Variants in ANGPT1 observed in about 807,000 individuals in gnomAD.
ANGPT1 encodes the protein angiopoietin-1.
A neutral mutation model predicts 62.2 loss-of-function variants in ANGPT1; 17 were observed. The ratio of observed to expected loss-of-function variants is 0.27; its 90% CI spans 0.19 to 0.41. The LOEUF is 0.41. ANGPT1 is among the 10% of genes least tolerant of loss of function. The pLI, the probability that ANGPT1 is intolerant of heterozygous loss-of-function variation, is 1.00. For synonymous variants in ANGPT1, 199 were observed against 198.9 expected (o/e 1.00, Z 0.00); for missense variants, 478 against 594.9 (o/e 0.80, Z 2.04).
At chr8:107,426,853 T>C (rs1184871722) in intron 1 of ANGPT1, among the ~76,000 whole-genome samples, 1 of 152,212 alleles carries the variant, frequency 6.6e-6, no homozygotes, top group Non-Finnish European at 1.5e-5. Flanking sequence ...TAACAAACAC[T>C]ACTCTTTTTC....
At position 107,399,790 on chromosome 8, in the gene ANGPT1, C is replaced by A. The variant is rs532623755; in HGVS notation, c.298-52693G>T. 2.6e-5 allele frequency among the ~76,000 whole-genome samples: 4 copies of A among 152,080 alleles called. No individual in the cohort carries two copies. The South Asian group carries it at 6.2e-4, about 24-fold the overall frequency. Reference sequence around the variant, plus strand: ...AGTCAACACAGTGGTCAGTCACACCCGCAAACACCACAATTGCCTTGAGAT... The same window carrying A: ...AGTCAACACAGTGGTCAGTCACACCAGCAAACACCACAATTGCCTTGAGAT... On this transcript the variant is annotated intron_variant, in intron 1 of 8. Transcript: ENST00000517746.
chr8:107,472,616 T>C (rs1812393466), intron 1 of ANGPT1, among the ~76,000 whole-genome samples: 1 of 152,056 alleles, frequency 6.6e-6, no homozygotes, highest in Non-Finnish European at 1.5e-5. Flanking sequence ...AGGCATGCTG[T>C]GATTCTCATC....
rs562721469 is a variant in ANGPT1, at chr8:107,472,003, C to A, written c.297+25259G>T. Among the ~76,000 whole-genome samples the A allele has an allele frequency of 2.3e-4, 35 of 152,114 alleles. No individual in the cohort carries two copies. In the South Asian group the frequency reaches 6.8e-3, roughly 30 times the overall value. ...ACCACACTACATTTACTTATTATGTCTCTTTAGGCTCCTCTTGCTTTTTTG... is the reference window on the plus strand; with the variant it reads ...ACCACACTACATTTACTTATTATGTATCTTTAGGCTCCTCTTGCTTTTTTG... On this transcript the variant is annotated intron_variant, in intron 1 of 8. Coordinates refer to ENST00000517746, the MANE Select transcript of ANGPT1 (RefSeq NM_001146.5).
chr8:107,299,391 G>GTATGTATA (rs1814498942), intron 5 of ANGPT1, among the ~76,000 whole-genome samples: 1 of 112,596 alleles, frequency 8.9e-6, no homozygotes, highest in Non-Finnish European at 1.8e-5. Flanking sequence ...ATGAAGGAGT[G>GTATGTATA]TATATATATA....
At chr8:107,444,126 G>A (rs1048241300) in intron 1 of ANGPT1, among the ~76,000 whole-genome samples, 3 of 152,156 alleles carry the variant, frequency 2.0e-5, no homozygotes, top group Admixed American at 2.0e-4. Context: ...ATATGTGGAT[G>A]TATCATTCCT....
intron 1 of ANGPT1, among the ~76,000 whole-genome samples, chr8:107,386,846 C>G (rs1346043919): frequency 6.6e-6 from 1 of 152,060 alleles, no homozygotes; most frequent in East Asian, 1.9e-4. Context: ...CTTTCTCTGA[C>G]AGACTACAGG....
In ANGPT1 at chr8:107,347,317, A is replaced by G. The variant is rs554775160; in HGVS notation, c.298-220T>C. Among the ~76,000 whole-genome samples, 202 of 152,312 alleles carry G rather than the reference A, an allele frequency of 1.3e-3. 1 individual carries two copies. Among genetic ancestry groups the G allele is most frequent in the Non-Finnish European group, 2.5e-3 (170 of 68,032 alleles). On this transcript the variant is annotated intron_variant, in intron 1 of 8. Coordinates refer to ENST00000517746, the MANE Select transcript of ANGPT1 (RefSeq NM_001146.5). Reference sequence around the variant, plus strand: ...TGATACATATATTTATAATCATCACAATCATAATGACAATTTGCACTTGGA... The same window carrying G: ...TGATACATATATTTATAATCATCACGATCATAATGACAATTTGCACTTGGA...
chr8:107,286,061 G>A (rs531682006), intron 6 of ANGPT1, among the ~76,000 whole-genome samples: 2 of 152,210 alleles, frequency 1.3e-5, no homozygotes, highest in African/African-American at 4.8e-5. Context: ...ATAACACATG[G>A]AAAAGTAACC....
At chr8:107,257,891 G>GTTTT in intron 8 of ANGPT1, among the ~76,000 whole-genome samples, 1 of 107,790 alleles carries the variant, frequency 9.3e-6, no homozygotes, top group African/African-American at 3.4e-5. Flanking sequence ...TTTTTTGTTT[G>GTTTT]TTTGTTTGTT....
At chr8:107,384,794 G>A (rs1816702325) in intron 1 of ANGPT1, among the ~76,000 whole-genome samples, 1 of 151,996 alleles carries the variant, frequency 6.6e-6, no homozygotes. Flanking sequence ...GTTGATTTTT[G>A]TATAAGGTGA....
rs960030473 is a variant in ANGPT1, at chr8:107,303,435, A to G, written c.809-68T>C. The G allele has an allele frequency of 9.8e-6, 13 of 1,326,950 alleles. 1 individual carries two copies. In the Admixed American group the frequency reaches 1.4e-4, roughly 15 times the overall value. The allele number at this position is 1,326,950 out of a possible 1,614,324, so 82.2% of individuals were successfully genotyped here. A position where few individuals can be genotyped will look rare whatever the true frequency, so the allele number is the denominator to read the frequency against. ...ACCATTAGTAGCCAAACTGACTCCA[A>G]TAATAGCTAAGCATGTCTTCATTTC... On this transcript the variant is annotated intron_variant, in intron 4 of 8. Coordinates refer to ENST00000517746, the MANE Select transcript of ANGPT1 (RefSeq NM_001146.5).
chr8:107,370,395 A>AG (rs1816377745), intron 1 of ANGPT1, among the ~76,000 whole-genome samples: 2 of 58,890 alleles, frequency 3.4e-5, no homozygotes, highest in African/African-American at 8.0e-5. Flanking sequence ...AAAGAAAGAA[A>AG]GAAAGAAAGA....
intron 5 of ANGPT1, among the ~76,000 whole-genome samples, chr8:107,298,750 A>T (rs1176134440): frequency 6.6e-6 from 1 of 151,800 alleles, no homozygotes; most frequent in Non-Finnish European, 1.5e-5. Context: ...TTGGTTTGTC[A>T]CTTTCCTTTA....
At chr8:107,400,592 C>G (rs1363344522) in intron 1 of ANGPT1, among the ~76,000 whole-genome samples, 1 of 150,918 alleles carries the variant, frequency 6.6e-6, no homozygotes, top group Admixed American at 6.6e-5. Flanking sequence ...CGGAGTCTCA[C>G]TCCATTGCCC....
chr8:107,406,146 A>G lies in ANGPT1; in HGVS notation c.298-59049T>C, dbSNP rs141151622. Among the ~76,000 whole-genome samples the G allele has an allele frequency of 2.8e-3, 429 of 152,014 alleles. 4 individuals carry two copies. Among genetic ancestry groups the G allele is most frequent in the South Asian group, 6.4e-3 (31 of 4,826 alleles). ...AGTTAAAATTGATATGAAAGATTTT[A>G]TCATATGTGTTTGAGTCTAACCATT... On this transcript the variant is annotated intron_variant, in intron 1 of 8. Coordinates refer to ENST00000517746, the MANE Select transcript of ANGPT1 (RefSeq NM_001146.5).
At chr8:107,345,402 G>C (rs1051809161) in intron 2 of ANGPT1, among the ~76,000 whole-genome samples, 1 of 151,978 alleles carries the variant, frequency 6.6e-6, no homozygotes, top group African/African-American at 2.4e-5. Context: ...GGAGATTAAC[G>C]TGCTAACAAT....
chr8:107,272,743 ATATAT>A (rs1274549530), intron 7 of ANGPT1, among the ~76,000 whole-genome samples: 3 of 150,378 alleles, frequency 2.0e-5, no homozygotes, highest in Non-Finnish European at 4.4e-5. Flanking sequence ...CATATATAAT[ATATAT>A]TATATATGTA....
chr8:107,281,228 CAGTT>C (rs943840329), intron 7 of ANGPT1, among the ~76,000 whole-genome samples: 1 of 152,042 alleles, frequency 6.6e-6, no homozygotes, highest in African/African-American at 2.4e-5. Context: ...AACAACACCA[CAGTT>C]AGGTTTAAAC....
intron 2 of ANGPT1, among the ~76,000 whole-genome samples, chr8:107,342,420 G>A (rs540406252): frequency 6.6e-6 from 1 of 152,324 alleles, no homozygotes; most frequent in South Asian, 2.1e-4. Flanking sequence ...GCAGGAGTTG[G>A]TCAGATTTTT....
Sources: allele counts gnomAD v4.1 joint callset (sites outside exome capture counted in the v4.1 genomes callset), GRCh38; gene constraint gnomAD v4.1.1; transcripts MANE v1.5; gene names NCBI Gene and HGNC (gene_info 2026-07-23, HGNC 2026-07-21).